IGF2BP2: variants seen among roughly 807,000 people sequenced by gnomAD.
IGF2BP2 encodes insulin like growth factor 2 mRNA binding protein 2.
IGF2BP2 carries 17 observed loss-of-function variants against 75.8 expected under a neutral mutation model. The ratio of observed to expected loss-of-function variants is 0.22; its 90% CI spans 0.15 to 0.34. IGF2BP2 has a LOEUF of 0.34. IGF2BP2 is among the 10% of genes least tolerant of loss of function. The probability of loss-of-function intolerance (pLI) is 1.00; values close to 1 mark genes in which losing one functional copy is unlikely to be tolerated. For synonymous variants in IGF2BP2, 288 were observed against 295.6 expected (o/e 0.97, Z 0.26); for missense variants, 516 against 772.4 (o/e 0.67, Z 3.93).
intron 10 of IGF2BP2, among the ~76,000 whole-genome samples, chr3:185,660,620 G>A (rs1206251008): frequency 6.6e-6 from 1 of 152,150 alleles, no homozygotes; most frequent in Non-Finnish European, 1.5e-5. Context: ...ACAAGAGGGC[G>A]CTATGAGATC....
At chr3:185,696,121 T>C (rs1722543871) in intron 4 of IGF2BP2, among the ~76,000 whole-genome samples, 1 of 151,978 alleles carries the variant, frequency 6.6e-6, no homozygotes, top group Non-Finnish European at 1.5e-5. Flanking sequence ...TCACGAGCTC[T>C]TCCCTGCAAG....
chr3:185,644,273 G>T lies in IGF2BP2; in HGVS notation c.*1258C>A, dbSNP rs1167504545. On this transcript the variant is annotated 3_prime_UTR_variant, in exon 16 of 16. Transcript: ENST00000382199. ...CGTTAAAAAAATCTGTGAATTTAAC[G>T]CCCTGGGCCAACAACCTTGGTAAAT... The T allele has an allele frequency of 6.6e-6, 1 of 152,078 alleles. No individual in the cohort carries two copies. Among genetic ancestry groups the T allele is most frequent in the Non-Finnish European group, 1.5e-5 (1 of 67,974 alleles). The allele number at this position is 152,078 out of a possible 1,614,324, so 9.4% of individuals were successfully genotyped here. A position where few individuals can be genotyped will look rare whatever the true frequency, so the allele number is the denominator to read the frequency against.
chr3:185,683,860 C>T (rs184129481), intron 7 of IGF2BP2, among the ~76,000 whole-genome samples: 1 of 152,278 alleles, frequency 6.6e-6, no homozygotes, highest in East Asian at 1.9e-4. Context: ...CCTATTATAA[C>T]CAAGGGAACG....
chr3:185,692,397 C>T (rs1366664757), intron 5 of IGF2BP2, among the ~76,000 whole-genome samples: 1 of 152,166 alleles, frequency 6.6e-6, no homozygotes, highest in African/African-American at 2.4e-5. Context: ...AGACACAGCT[C>T]CCATCTTGGT....
intron 2 of IGF2BP2, among the ~76,000 whole-genome samples, chr3:185,740,889 T>G (rs896103116): frequency 6.6e-6 from 1 of 152,230 alleles, no homozygotes. Flanking sequence ...TTTTACTTAT[T>G]TATTTTGAGA....
intron 2 of IGF2BP2, among the ~76,000 whole-genome samples, chr3:185,802,764 C>T (rs1738451039): frequency 1.3e-5 from 2 of 152,204 alleles, no homozygotes; most frequent in South Asian, 2.1e-4. Context: ...TCTCTAAAAA[C>T]CCTTGAGAGA....
intron 2 of IGF2BP2, among the ~76,000 whole-genome samples, chr3:185,782,479 C>T (rs1735339121): frequency 6.6e-6 from 1 of 152,010 alleles, no homozygotes; most frequent in African/African-American, 2.4e-5. Flanking sequence ...ACCTTTTGGG[C>T]ATGGTGTTCT....
chr3:185,674,152 G>C (rs903433848), intron 9 of IGF2BP2, among the ~76,000 whole-genome samples: 1 of 152,090 alleles, frequency 6.6e-6, no homozygotes, highest in Non-Finnish European at 1.5e-5. Flanking sequence ...GAGGGACCTG[G>C]GTTTAATCTA....
Position 185,808,857 on chromosome 3 carries a change from C to T in IGF2BP2, c.239+14296G>A, listed in dbSNP as rs897503038. ...TGCTGGGATTACAGGCATGAGCCAC[C>T]GCACCCAACCTAATAGAGAGCATTT... On this transcript the variant is annotated intron_variant, in intron 2 of 15. Transcript: ENST00000382199. Among the ~76,000 whole-genome samples the T allele has an allele frequency of 5.3e-5, 8 of 152,062 alleles. No homozygotes were observed. In the South Asian group the frequency reaches 6.2e-4, roughly 12 times the overall value.
At chr3:185,710,470 C>T (rs965627658) in intron 2 of IGF2BP2, among the ~76,000 whole-genome samples, 7 of 152,256 alleles carry the variant, frequency 4.6e-5, no homozygotes, top group Admixed American at 1.3e-4. Context: ...CGATGGCTCA[C>T]GCCTGTATTC....
rs537822869 is a variant in IGF2BP2, at chr3:185,727,023, A to G, written c.240-28676T>C. Among the ~76,000 whole-genome samples the G allele has an allele frequency of 2.6e-5, 4 of 152,262 alleles. No homozygotes were observed. The South Asian group carries it at 6.2e-4, about 24-fold the overall frequency. On this transcript the variant is annotated intron_variant, in intron 2 of 15. Transcript: ENST00000382199. Reference sequence around the variant, plus strand: ...CACCGGAGGTCAGGAGTTTGAAACCAGCCTGGCCAACATCGTGAAACCCCA... The same window carrying G: ...CACCGGAGGTCAGGAGTTTGAAACCGGCCTGGCCAACATCGTGAAACCCCA...
At chr3:185,806,617 T>C (rs909601924) in intron 2 of IGF2BP2, among the ~76,000 whole-genome samples, 1 of 152,234 alleles carries the variant, frequency 6.6e-6, no homozygotes, top group African/African-American at 2.4e-5. Flanking sequence ...TATACTTGAC[T>C]GAAGTCAAAA....
chr3:185,806,063 C>T (rs2149978425), intron 2 of IGF2BP2, among the ~76,000 whole-genome samples: 1 of 152,248 alleles, frequency 6.6e-6, no homozygotes, highest in Non-Finnish European at 1.5e-5. Context: ...CTCAGCCTCC[C>T]AGAGTGCTGG....
At chr3:185,812,055 T>G (rs112151197) in intron 2 of IGF2BP2, among the ~76,000 whole-genome samples, 3,373 of 152,298 alleles carry the variant, frequency 0.022, 77 homozygotes, top group South Asian at 0.054. Context: ...AAATCATGTA[T>G]GTAGGACTGA....
intron 13 of IGF2BP2, 151 bp from the exon 14 acceptor site, chr3:185,649,685 C>T (rs574792013): frequency 1.3e-5 from 14 of 1,048,514 alleles, no homozygotes; most frequent in Admixed American, 7.8e-5. Flanking sequence ...CCCCAGCCTC[C>T]GCTCACAGAC....
At position 185,645,348 on chromosome 3, in the gene IGF2BP2, C is replaced by T. The variant is rs1713327395; in HGVS notation, c.*183G>A. 1.4e-5 allele frequency: 8 copies of T among 581,424 alleles called. No individual in the cohort carries two copies. Among genetic ancestry groups the T allele is most frequent in the Middle Eastern group, 4.6e-4 (1 of 2,194 alleles). 36.0% of individuals were successfully genotyped at this position (581,424 alleles called of 1,614,324 possible). A position where few individuals can be genotyped will look rare whatever the true frequency, so the allele number is the denominator to read the frequency against. On this transcript the variant is annotated 3_prime_UTR_variant, in exon 16 of 16. Coordinates refer to ENST00000382199, the MANE Select transcript of IGF2BP2 (RefSeq NM_006548.6). The surrounding 1 kb of genome is among the most constrained non-coding windows in gnomAD (Gnocchi z 4.9). ...TCTGGCAAACCTGGCTGACCTTCCC[C>T]GCCCCTCCTCGGCCCCTGGGGTTCT... is the stretch of plus-strand genomic sequence containing the variant.
At chr3:185,820,378 TAATA>T (rs1332374810) in intron 2 of IGF2BP2, among the ~76,000 whole-genome samples, 1 of 151,946 alleles carries the variant, frequency 6.6e-6, no homozygotes, top group African/African-American at 2.4e-5. Flanking sequence ...TTTTCCTCTT[TAATA>T]AACATTTGAC....
intron 10 of IGF2BP2, among the ~76,000 whole-genome samples, chr3:185,664,853 G>A (rs992379991): frequency 6.6e-6 from 1 of 152,152 alleles, no homozygotes; most frequent in African/African-American, 2.4e-5. Context: ...GTGGATGGGA[G>A]AGAAGCAACG....
chr3:185,753,265 C>A (rs774199076), intron 2 of IGF2BP2, among the ~76,000 whole-genome samples: 4 of 152,138 alleles, frequency 2.6e-5, no homozygotes, highest in African/African-American at 9.7e-5. Flanking sequence ...ACTGTACTTG[C>A]GGAACGGGGT....
Sources: gnomAD v4.1 joint callset for allele counts (sites outside exome capture counted in the v4.1 genomes callset) on GRCh38, gnomAD v4.1.1 for gene constraint, Gnocchi (gnomAD v3.1) non-coding constraint, MANE v1.5 for transcripts, NCBI Gene and HGNC (gene_info 2026-07-23, HGNC 2026-07-21) for gene names.